The following XIRP2 variants were observed in gnomAD, a reference collection of about 807,000 sequenced individuals.
The protein encoded by XIRP2 is xin actin-binding repeat-containing protein 2.
Under a neutral mutation model 277.0 loss-of-function variants are expected in XIRP2, and 236 were observed. The ratio of observed to expected loss-of-function variants is 0.85; its 90% confidence interval spans 0.77 to 0.95. The LOEUF is 0.95. Ranked by LOEUF, XIRP2 falls within the 40% of genes least tolerant of loss-of-function variation. XIRP2 has a pLI of 0.00. For missense variants in XIRP2, 4,640 were observed against 4,157.5 expected (o/e 1.12, Z -3.19); for synonymous variants, 1,490 against 1,416.5 (o/e 1.05, Z -1.17).
Position 167,246,570 on chromosome 2 carries a change from C to T in XIRP2, c.5178C>T (p.Asn1726=), listed in dbSNP as rs1344280027. ...ATAATTTATTGTCTTCCACATCAAACAATAAAATATCTGAAAGGGCTAAAA... is the reference window on the plus strand; with the variant it reads ...ATAATTTATTGTCTTCCACATCAAATAATAAAATATCTGAAAGGGCTAAAA... ...TIHNLLSSTS[N]NKISERAKID... The change falls in exon 9 of 11, where the codon AAC becomes AAT. Residue 1726 remains asparagine (N), a synonymous_variant. Coordinates refer to ENST00000409195, the MANE Select transcript of XIRP2 (RefSeq NM_152381.6). 19 of 1,613,522 alleles carry T rather than the reference C, an allele frequency of 1.2e-5. No individual in the cohort carries two copies. Among genetic ancestry groups the T allele is most frequent in the African/African-American group, 2.7e-5 (2 of 74,854 alleles).
intron 3 of XIRP2, among the ~76,000 whole-genome samples, chr2:167,208,491 G>A (rs566878982): frequency 1.1e-4 from 16 of 152,154 alleles, no homozygotes; most frequent in East Asian, 3.9e-4. Flanking sequence ...GTATTTTTTA[G>A]TAGAGACGGG....
chr2:167,059,101 C>CT (rs572437575), intron 2 of XIRP2, among the ~76,000 whole-genome samples: 4,795 of 95,912 alleles, frequency 0.05, 368 homozygotes, highest in African/African-American at 0.13. Flanking sequence ...TTTTTTTTCT[C>CT]TTTTTTTTTT....
intron 3 of XIRP2, among the ~76,000 whole-genome samples, chr2:167,155,479 G>C (rs1420932070): frequency 6.6e-6 from 1 of 151,756 alleles, no homozygotes; most frequent in African/African-American, 2.4e-5. Context: ...CATATAAACA[G>C]AACCAAAGAC....
intron 5 of XIRP2, among the ~76,000 whole-genome samples, chr2:167,238,139 A>T (rs1158669031): frequency 6.6e-6 from 1 of 152,230 alleles, no homozygotes; most frequent in African/African-American, 2.4e-5. Context: ...GAATTAATGT[A>T]TCAGTGAAAG....
chr2:167,209,350 T>C (rs1693954589), intron 3 of XIRP2, among the ~76,000 whole-genome samples: 1 of 152,188 alleles, frequency 6.6e-6, no homozygotes, highest in Non-Finnish European at 1.5e-5. Flanking sequence ...TGTACATAAA[T>C]CTTGAAGATG....
intron 2 of XIRP2, among the ~76,000 whole-genome samples, chr2:166,964,521 G>T (rs572370183): frequency 6.6e-6 from 1 of 151,904 alleles, no homozygotes; most frequent in Admixed American, 6.6e-5. Context: ...TTTTGGACAA[G>T]GAGTGAAACT....
Position 167,231,621 on chromosome 2 carries a change from G to A in XIRP2, c.859-8234G>A, listed in dbSNP as rs369531975. 1.1e-4 allele frequency among the ~76,000 whole-genome samples: 16 copies of A among 151,132 alleles called. No homozygotes were observed. In the East Asian group the frequency reaches 1.2e-3, roughly 11 times the overall value. ...TTCTATTCTACCACCCAATGAGGTC[G>A]AACCAGCCACCACTAACAGAAACTG... On this transcript the variant is annotated intron_variant, in intron 5 of 10. Transcript: ENST00000409195.
chr2:167,163,871 A>G (rs1692446635), intron 3 of XIRP2, among the ~76,000 whole-genome samples: 1 of 152,192 alleles, frequency 6.6e-6, no homozygotes, highest in Non-Finnish European at 1.5e-5. Flanking sequence ...TTCCGTGTGG[A>G]TGACCACTTG....
chr2:167,004,903 C>T (rs1253147428), intron 2 of XIRP2, among the ~76,000 whole-genome samples: 1 of 151,834 alleles, frequency 6.6e-6, no homozygotes, highest in African/African-American at 2.4e-5. Context: ...AACATTGTTT[C>T]CTTATAAAAT....
chr2:167,011,773 A>T (rs1687685986), intron 2 of XIRP2, among the ~76,000 whole-genome samples: 1 of 151,998 alleles, frequency 6.6e-6, no homozygotes, highest in Non-Finnish European at 1.5e-5. Context: ...CTATTCAGAG[A>T]TTCAACTTCT....
intron 2 of XIRP2, among the ~76,000 whole-genome samples, chr2:167,047,228 T>G (rs2105528898): frequency 6.6e-6 from 1 of 151,316 alleles, no homozygotes; most frequent in South Asian, 2.1e-4. Context: ...TCAAGAAAAT[T>G]TTTACATACA....
At chr2:166,905,284 A>G (rs1452766879) in intron 2 of XIRP2, among the ~76,000 whole-genome samples, 1 of 152,012 alleles carries the variant, frequency 6.6e-6, no homozygotes, top group Non-Finnish European at 1.5e-5. Context: ...ACTTTACTGT[A>G]ATAATTTTGA....
intron 5 of XIRP2, among the ~76,000 whole-genome samples, chr2:167,236,343 A>G (rs916726808): frequency 6.6e-6 from 1 of 152,016 alleles, no homozygotes; most frequent in African/African-American, 2.4e-5. Flanking sequence ...CCCTATAATG[A>G]TATAAGAATG....
At chr2:167,144,506 A>G (rs1253536024) in intron 3 of XIRP2, among the ~76,000 whole-genome samples, 1 of 152,002 alleles carries the variant, frequency 6.6e-6, no homozygotes, top group Non-Finnish European at 1.5e-5. Flanking sequence ...AAAAAATCAG[A>G]TTTTGCCAAA....
At chr2:167,125,244 C>CA (rs1298000760) in intron 2 of XIRP2, among the ~76,000 whole-genome samples, 1 of 152,044 alleles carries the variant, frequency 6.6e-6, no homozygotes, top group Non-Finnish European at 1.5e-5. Context: ...AGAGTCAGCT[C>CA]ATCATTTATC....
intron 2 of XIRP2, among the ~76,000 whole-genome samples, chr2:167,066,871 C>G (rs1027708146): frequency 7.9e-5 from 12 of 152,098 alleles, no homozygotes; most frequent in African/African-American, 2.9e-4. Context: ...CCAAGTAAAA[C>G]AAGCTAGTCA....
intron 2 of XIRP2, among the ~76,000 whole-genome samples, chr2:166,955,256 G>A (rs1413594025): frequency 1.3e-5 from 2 of 151,730 alleles, no homozygotes; most frequent in Non-Finnish European, 2.9e-5. Context: ...TTACTGACTC[G>A]TGCTATGATG....
chr2:166,951,807 CT>C (rs1292910078), intron 2 of XIRP2, among the ~76,000 whole-genome samples: 1 of 152,022 alleles, frequency 6.6e-6, no homozygotes, highest in Non-Finnish European at 1.5e-5. Flanking sequence ...TTCAGCTACA[CT>C]GAAACACTTT....
chr2:167,099,173 G>A (rs957813297), intron 2 of XIRP2, among the ~76,000 whole-genome samples: 1 of 152,152 alleles, frequency 6.6e-6, no homozygotes, highest in Non-Finnish European at 1.5e-5. Flanking sequence ...CCTGACTGGG[G>A]CTGCTGCCTT....
Sources: allele counts gnomAD v4.1 joint callset (sites outside exome capture counted in the v4.1 genomes callset), GRCh38; gene constraint gnomAD v4.1.1; transcripts MANE v1.5; gene names NCBI Gene and HGNC (gene_info 2026-07-23, HGNC 2026-07-21).